The following GAK variants were observed in gnomAD, a reference collection of about 807,000 sequenced individuals.
GAK encodes cyclin G associated kinase.
A neutral mutation model predicts 143.9 loss-of-function variants in GAK; 79 were observed. The observed-to-expected ratio is 0.55, with a 90% CI of 0.46 to 0.66. The LOEUF (loss-of-function observed/expected upper bound fraction) is 0.66. GAK is among the 30% of genes least tolerant of loss of function. The pLI, the probability that GAK is intolerant of heterozygous loss-of-function variation, is 0.00. For synonymous variants in GAK, 881 were observed against 765.5 expected (o/e 1.15, Z -2.49); for missense variants, 1,693 against 1,779.7 (o/e 0.95, Z 0.88).
chr4:884,314 C>CTGGTGGAGGCATGGGTGA (rs1715802024), intron 11 of GAK: 2 of 540,980 alleles, frequency 3.7e-6, no homozygotes, highest in Admixed American at 6.7e-5. Context: ...CAGCCTGCAG[C>CTGGTGGAGGCATGGGTGA]TGGTGGAGGC....
chr4:927,786 T>TGCCCCGCACCCCTCCCTGGGTGAGCGCAG, intron 1 of GAK, among the ~76,000 whole-genome samples: 6 of 134,358 alleles, frequency 4.5e-5, no homozygotes, highest in South Asian at 2.5e-4. Flanking sequence ...CGCTCTGCAC[T>TGCCCCGCACCCCTCCCTGGGTGAGCGCAG]GCCCCGCACC....
intron 3 of GAK, chr4:912,286 C>T (rs937428960): frequency 3.2e-5 from 13 of 405,468 alleles, no homozygotes; most frequent in Middle Eastern, 3.7e-4. Flanking sequence ...CCTCTGTCAG[C>T]GCCGGGAGAT....
intron 11 of GAK, among the ~76,000 whole-genome samples, chr4:885,572 G>A (rs935667861): frequency 4.6e-5 from 7 of 152,254 alleles, no homozygotes; most frequent in African/African-American, 1.7e-4. Flanking sequence ...TGTACCACAG[G>A]TGTGTGTGTG....
At chr4:854,976 G>C (rs73207782) in intron 24 of GAK, among the ~76,000 whole-genome samples, 26,602 of 152,152 alleles carry the variant, frequency 0.17, 2,965 homozygotes, top group Non-Finnish European at 0.25. Context: ...ACCCGGTAAG[G>C]GAACTTGCAG....
At chr4:910,728 C>G (rs115969171) in intron 4 of GAK, among the ~76,000 whole-genome samples, 1 of 149,638 alleles carries the variant, frequency 6.7e-6, no homozygotes, top group African/African-American at 2.5e-5. Context: ...CTCCCGGCCT[C>G]TCCTCTCCCC....
chr4:852,314 C>G (rs1748311067), intron 24 of GAK: 1 of 368,666 alleles, frequency 2.7e-6, no homozygotes, highest in African/African-American at 2.4e-5. Flanking sequence ...CCCCAGGAGC[C>G]AAGGCAGACC....
intron 1 of GAK, among the ~76,000 whole-genome samples, chr4:929,994 T>C (rs1416141012): frequency 6.6e-6 from 1 of 152,232 alleles, no homozygotes; most frequent in East Asian, 1.9e-4. Flanking sequence ...CCAAGTCTTC[T>C]GGGAGTATCC....
intron 5 of GAK, among the ~76,000 whole-genome samples, chr4:901,605 C>CGA (rs1336754882): frequency 6.6e-6 from 1 of 152,220 alleles, no homozygotes; most frequent in African/African-American, 2.4e-5. Flanking sequence ...TCCAGATGAA[C>CGA]GAAACCTCTG....
At chr4:911,492 G>A (rs1048896917) in intron 4 of GAK, among the ~76,000 whole-genome samples, 181 bp downstream of exon 4, 1 of 151,802 alleles carries the variant, frequency 6.6e-6, no homozygotes, top group African/African-American at 2.4e-5. Flanking sequence ...AAGCTCACTG[G>A]GCGTCAGCGT....
At chr4:898,762 C>T (rs1304726172) in intron 5 of GAK, among the ~76,000 whole-genome samples, 10 of 152,144 alleles carry the variant, frequency 6.6e-5, no homozygotes, top group Admixed American at 6.5e-4. Context: ...ACTCAGGAGG[C>T]TGAGGCAGGA....
At chr4:863,270 A>G (rs1385033579) in intron 23 of GAK, among the ~76,000 whole-genome samples, 2 of 152,242 alleles carry the variant, frequency 1.3e-5, no homozygotes, top group African/African-American at 4.8e-5. Context: ...AATTACTGCA[A>G]TCTCAGGATG....
rs1043837313 is a variant in GAK at position 851,864 on chromosome 4, G to A, written c.3394C>T (p.Pro1132Ser). 6 of 1,609,122 alleles carry A rather than the reference G, an allele frequency of 3.7e-6. No individual in the cohort carries two copies. The highest frequency in any genetic ancestry group is 5.1e-6 in the Non-Finnish European group (6 of 1,177,008). ...SRPPAQGASWPPQAKPPPKAC... is the reference protein window; with the variant it reads ...SRPPAQGASWSPQAKPPPKAC... ...TTGGGGGGCGGCTTGGCCTGAGGGG[G>A]CCATGAGGCGCCCTGGGCTGGCGGC... The change falls in exon 25 of 28, where the codon CCC (proline) becomes TCC (serine). Residue 1132 changes from proline (P) to serine (S), a missense_variant. Physicochemically the swap from Pro to Ser is moderately conservative, Grantham distance 74. Coordinates refer to ENST00000314167, the MANE Select transcript of GAK (RefSeq NM_005255.4).
intron 27 of GAK, 32 bp downstream of exon 27, chr4:849,860 G>A (rs1196683379): frequency 1.4e-6 from 2 of 1,448,096 alleles, no homozygotes; most frequent in African/African-American, 1.5e-5. Context: ...GCCCCTGAAG[G>A]CCTCAAGCGG....
At chr4:907,884 C>T (rs3755959) in intron 4 of GAK, among the ~76,000 whole-genome samples, 84,547 of 152,056 alleles carry the variant, frequency 0.56, 23,995 homozygotes, top group South Asian at 0.67. Context: ...CGCGCGCATG[C>T]GTTAGTCTGC....
chr4:889,652 C>T (rs1282430652), intron 10 of GAK, among the ~76,000 whole-genome samples: 1 of 152,168 alleles, frequency 6.6e-6, no homozygotes, highest in Non-Finnish European at 1.5e-5. Flanking sequence ...CTGAGCTCCT[C>T]CCTGGGAAGC....
chr4:885,605 C>T (rs924878862), intron 11 of GAK, among the ~76,000 whole-genome samples: 15 of 152,120 alleles, frequency 9.9e-5, no homozygotes, highest in African/African-American at 1.7e-4. Flanking sequence ...CGGATGCTGA[C>T]GGGACAGAAA....
At chr4:914,516 C>T (rs373194886) in intron 1 of GAK, among the ~76,000 whole-genome samples, 145 of 97,700 alleles carry the variant, frequency 1.5e-3, no homozygotes, top group East Asian at 7.0e-3. Flanking sequence ...CACACACACA[C>T]AGCCCCAGCG....
chr4:889,131 G>A (rs926412492), intron 10 of GAK, among the ~76,000 whole-genome samples, 161 bp from the exon 11 acceptor site: 1 of 151,790 alleles, frequency 6.6e-6, no homozygotes, highest in Non-Finnish European at 1.5e-5. Flanking sequence ...CAGGCAGCAG[G>A]AGCAGGGAGT....
At chr4:859,088 G>C (rs943176660) in intron 24 of GAK, 1 of 833,530 alleles carries the variant, frequency 1.2e-6, no homozygotes, top group Non-Finnish European at 1.4e-6. Context: ...AGAGACCCAG[G>C]GGCATCAGGT....
Sources: allele counts gnomAD v4.1 joint callset (sites outside exome capture counted in the v4.1 genomes callset), GRCh38; gene constraint gnomAD v4.1.1; transcripts MANE v1.5; gene names NCBI Gene and HGNC (gene_info 2026-07-23, HGNC 2026-07-21).